CAMK1D: variants seen among roughly 807,000 people sequenced by gnomAD.
The protein encoded by CAMK1D is calcium/calmodulin dependent protein kinase ID.
CAMK1D carries 9 observed loss-of-function variants against 47.7 expected under a neutral mutation model. The ratio of observed to expected loss-of-function variants is 0.19; its 90% CI spans 0.11 to 0.33. CAMK1D has a LOEUF of 0.33. CAMK1D is among the 10% of genes least tolerant of loss of function. The probability of loss-of-function intolerance (pLI) is 1.00; values close to 1 mark genes in which losing one functional copy is unlikely to be tolerated. For synonymous variants in CAMK1D, 184 were observed against 184.9 expected (o/e 0.99, Z 0.04); for missense variants, 291 against 488.7 (o/e 0.60, Z 3.81).
At chr10:12,739,745 T>C (rs75924990) in intron 3 of CAMK1D, among the ~76,000 whole-genome samples, 4,591 of 152,234 alleles carry the variant, frequency 0.03, 249 homozygotes, top group African/African-American at 0.11. Context: ...ACTGAGCATG[T>C]ACTACTTGTA....
intron 1 of CAMK1D, among the ~76,000 whole-genome samples, chr10:12,519,396 C>T (rs1432615258): frequency 7.4e-5 from 1 of 13,428 alleles, no homozygotes; most frequent in Admixed American, 5.3e-4. Flanking sequence ...TGGCCGACCC[C>T]CCCCCCCCCG....
intron 3 of CAMK1D, among the ~76,000 whole-genome samples, chr10:12,724,621 C>T (rs1834534744): frequency 1.3e-5 from 2 of 152,226 alleles, no homozygotes; most frequent in South Asian, 4.1e-4. Flanking sequence ...ACTGAGAAGT[C>T]CTCACATTTA....
chr10:12,552,744 A>G (rs934918650), intron 1 of CAMK1D, among the ~76,000 whole-genome samples: 8 of 151,946 alleles, frequency 5.3e-5, no homozygotes, highest in African/African-American at 1.9e-4. Context: ...AAAAACTTTT[A>G]TTATCATTAT....
intron 1 of CAMK1D, among the ~76,000 whole-genome samples, chr10:12,500,956 T>C (rs1043794303): frequency 5.3e-5 from 8 of 152,244 alleles, no homozygotes; most frequent in African/African-American, 1.9e-4. Flanking sequence ...GTTGGTGTTA[T>C]ATTTCCTCTT....
chr10:12,650,760 G>A (rs1447032496), intron 2 of CAMK1D, among the ~76,000 whole-genome samples: 2 of 152,174 alleles, frequency 1.3e-5, no homozygotes, highest in Non-Finnish European at 2.9e-5. Context: ...ATTAAGCAGA[G>A]CTTTCATGTG....
intron 3 of CAMK1D, among the ~76,000 whole-genome samples, chr10:12,733,165 G>T (rs1036106664): frequency 2.6e-5 from 4 of 152,170 alleles, no homozygotes; most frequent in African/African-American, 9.7e-5. Context: ...TTCTAAATAA[G>T]GTTTATTTGC....
chr10:12,667,339 AGACC>A (rs1840466303), intron 3 of CAMK1D, among the ~76,000 whole-genome samples: 1 of 152,256 alleles, frequency 6.6e-6, no homozygotes, highest in South Asian at 2.1e-4. Flanking sequence ...AATTGGTGTC[AGACC>A]ATGACATTAT....
chr10:12,376,854 A>G (rs1225304173), intron 1 of CAMK1D, among the ~76,000 whole-genome samples: 1 of 150,482 alleles, frequency 6.6e-6, no homozygotes, highest in African/African-American at 2.5e-5. Flanking sequence ...TCTGCCTCCT[A>G]GGTTCAAGCG....
intron 3 of CAMK1D, among the ~76,000 whole-genome samples, chr10:12,694,180 ATATAATATAATATATATTATATATTATG>A (rs1833107064): frequency 2.0e-5 from 1 of 49,550 alleles, no homozygotes; most frequent in African/African-American, 8.1e-5. Flanking sequence ...TATATATTAT[ATATAATATAATATATATTATATATTATG>A]TATAATATAA....
chr10:12,548,286 A>C (rs1348030571), intron 1 of CAMK1D, among the ~76,000 whole-genome samples: 1 of 152,124 alleles, frequency 6.6e-6, no homozygotes, highest in Admixed American at 6.5e-5. Flanking sequence ...CAGTTGATAT[A>C]ATTTTTTTCT....
intron 3 of CAMK1D, among the ~76,000 whole-genome samples, chr10:12,759,725 C>T (rs1239649174): frequency 6.6e-6 from 1 of 152,172 alleles, no homozygotes; most frequent in Non-Finnish European, 1.5e-5. Flanking sequence ...CCTGCTATGA[C>T]TATAGGTAAT....
At chr10:12,598,368 C>T (rs185034288) in intron 2 of CAMK1D, among the ~76,000 whole-genome samples, 10 of 152,286 alleles carry the variant, frequency 6.6e-5, no homozygotes, top group East Asian at 3.9e-4. Context: ...TGGTAAAATT[C>T]GAACGATGTC....
intron 2 of CAMK1D, among the ~76,000 whole-genome samples, chr10:12,637,749 C>G (rs1234957696): frequency 6.6e-6 from 1 of 152,196 alleles, no homozygotes; most frequent in Admixed American, 6.5e-5. Context: ...TCCGTGACTC[C>G]TTTAGCCTTT....
chr10:12,698,387 A>G (rs1013328378), intron 3 of CAMK1D, among the ~76,000 whole-genome samples: 15 of 152,212 alleles, frequency 9.9e-5, no homozygotes, highest in African/African-American at 3.6e-4. Context: ...ACCTCGTTTT[A>G]TATATGTCAA....
intron 3 of CAMK1D, among the ~76,000 whole-genome samples, chr10:12,756,194 A>G (rs1480107209): frequency 2.6e-5 from 4 of 152,258 alleles, no homozygotes; most frequent in Non-Finnish European, 5.9e-5. Flanking sequence ...TTCCAGCATT[A>G]GCAGAAGTGC....
intron 1 of CAMK1D, among the ~76,000 whole-genome samples, chr10:12,515,060 G>T (rs573010390): frequency 4.0e-5 from 6 of 150,954 alleles, no homozygotes; most frequent in Non-Finnish European, 7.4e-5. Context: ...ACGGGGTTTC[G>T]CCATGTTGGC....
At chr10:12,452,159 C>T (rs1421815860) in intron 1 of CAMK1D, among the ~76,000 whole-genome samples, 3 of 151,984 alleles carry the variant, frequency 2.0e-5, no homozygotes. Flanking sequence ...CTGAGAGCAG[C>T]GTATGGAACC....
intron 1 of CAMK1D, among the ~76,000 whole-genome samples, chr10:12,481,541 G>A (rs1243555523): frequency 2.0e-5 from 3 of 151,694 alleles, no homozygotes; most frequent in East Asian, 1.9e-4. Flanking sequence ...ATGGAGTCTC[G>A]CCCTGTTGCC....
At chr10:12,472,742 G>A (rs1360803597) in intron 1 of CAMK1D, among the ~76,000 whole-genome samples, 1 of 152,080 alleles carries the variant, frequency 6.6e-6, no homozygotes, top group African/African-American at 2.4e-5. Context: ...GGCTGGTCTC[G>A]AACTCCTGAC....
Sources: gnomAD v4.1 joint callset for allele counts (sites outside exome capture counted in the v4.1 genomes callset) on GRCh38, gnomAD v4.1.1 for gene constraint, MANE v1.5 for transcripts, NCBI Gene and HGNC (gene_info 2026-07-23, HGNC 2026-07-21) for gene names.